GLIS1: variants seen among roughly 807,000 people sequenced by gnomAD.
The protein encoded by GLIS1 is GLIS family zinc finger 1.
Under a neutral mutation model 63.8 loss-of-function variants are expected in GLIS1, and 24 were observed. That is an observed-to-expected ratio of 0.38 (90% CI 0.27 to 0.53). GLIS1 has a LOEUF of 0.53. Ranked by LOEUF, GLIS1 falls within the 20% of genes least tolerant of loss-of-function variation. The pLI, the probability that GLIS1 is intolerant of heterozygous loss-of-function variation, is 0.85. For missense variants in GLIS1, 1,036 were observed against 1,074.1 expected (o/e 0.96, Z 0.50); for synonymous variants, 450 against 482.5 (o/e 0.93, Z 0.88).
chr1:53,610,244 C>A (rs144561282), intron 2 of GLIS1, among the ~76,000 whole-genome samples: 1 of 152,116 alleles, frequency 6.6e-6, no homozygotes, highest in Non-Finnish European at 1.5e-5. Context: ...TTTCTCAAAA[C>A]CAGTGCCATA....
intron 4 of GLIS1, among the ~76,000 whole-genome samples, chr1:53,531,942 C>T (rs1644535365): frequency 6.6e-6 from 1 of 152,168 alleles, no homozygotes; most frequent in Non-Finnish European, 1.5e-5. Flanking sequence ...ACACTGAAGG[C>T]CAAGGAAGGG....
rs764634194 is a variant in GLIS1 at position 53,594,765 on chromosome 1, G to C, written c.663C>G (p.Ser221Arg). 2.6e-5 allele frequency: 41 copies of C among 1,597,178 alleles called. No individual in the cohort carries two copies. Among genetic ancestry groups the C allele is most frequent in the Non-Finnish European group, 3.3e-5 (39 of 1,172,342 alleles). The change falls in exon 4 of 11, where the codon AGC (serine) becomes AGG (arginine). Residue 221 changes from serine to arginine, a missense_variant. Ser to Arg is a moderately radical substitution (Grantham distance 110, BLOSUM62 -1). This residue lies in a region of GLIS1 where 592 missense variants were observed against 593.9 expected (regional missense o/e 1.00). Coordinates refer to ENST00000628545, the MANE Select transcript of GLIS1 (RefSeq NM_001367484.1). ...PSCYLLGSEP[S>R]SGLGLQPETH... is the part of the protein sequence containing the mutation. ...TCTCGGGCTGGAGGCCCAGGCCAGAGCTGGGTTCGCTGCCCAGAAGGTAGC... is the reference window on the plus strand; with the variant it reads ...TCTCGGGCTGGAGGCCCAGGCCAGACCTGGGTTCGCTGCCCAGAAGGTAGC...
At chr1:53,586,178 CT>C (rs1337016369) in intron 4 of GLIS1, among the ~76,000 whole-genome samples, 2 of 152,202 alleles carry the variant, frequency 1.3e-5, no homozygotes, top group African/African-American at 4.8e-5. Flanking sequence ...CCCAAGCCCC[CT>C]GGGTTTGCTT....
At chr1:53,608,798 C>T (rs1004333968) in intron 2 of GLIS1, among the ~76,000 whole-genome samples, 6 of 152,198 alleles carry the variant, frequency 3.9e-5, no homozygotes, top group African/African-American at 1.4e-4. Flanking sequence ...GTTCCCATCT[C>T]TCCAGATATA....
chr1:53,529,134 C>T (rs1473251247), intron 5 of GLIS1, among the ~76,000 whole-genome samples: 2 of 152,214 alleles, frequency 1.3e-5, no homozygotes, highest in South Asian at 2.1e-4. Context: ...GCTCTATTAA[C>T]GGCACATGGA....
intron 2 of GLIS1, among the ~76,000 whole-genome samples, chr1:53,728,169 T>A (rs1382688763): frequency 6.6e-6 from 1 of 152,064 alleles, no homozygotes; most frequent in Non-Finnish European, 1.5e-5. Context: ...TGAGCAGGGC[T>A]ATGGCAAAAG....
intron 2 of GLIS1, among the ~76,000 whole-genome samples, chr1:53,701,479 A>G (rs767120141): frequency 6.6e-6 from 1 of 152,190 alleles, no homozygotes; most frequent in Non-Finnish European, 1.5e-5. Flanking sequence ...ACTTACTGAG[A>G]GTGCTCATGG....
At chr1:53,672,390 T>C (rs1186712755) in intron 2 of GLIS1, among the ~76,000 whole-genome samples, 1 of 152,204 alleles carries the variant, frequency 6.6e-6, no homozygotes, top group African/African-American at 2.4e-5. Context: ...ATGGAGTTCC[T>C]CCGGGAATAC....
intron 2 of GLIS1, among the ~76,000 whole-genome samples, chr1:53,719,824 T>C (rs919409016): frequency 3.3e-5 from 5 of 152,192 alleles, no homozygotes; most frequent in Non-Finnish European, 7.3e-5. Context: ...AGCTACCCTA[T>C]GATCCAGCAA....
At chr1:53,667,505 G>A (rs764208535) in intron 2 of GLIS1, among the ~76,000 whole-genome samples, 3 of 152,166 alleles carry the variant, frequency 2.0e-5, no homozygotes, top group Non-Finnish European at 4.4e-5. Flanking sequence ...GCCCTTCCTT[G>A]GTCCTGGTCT....
intron 4 of GLIS1, among the ~76,000 whole-genome samples, chr1:53,578,227 T>C (rs150041386): frequency 6.6e-6 from 1 of 152,236 alleles, no homozygotes; most frequent in African/African-American, 2.4e-5. Context: ...CGGGGTCAAG[T>C]TAATTAACTT....
rs1644617691 is a variant in GLIS1, at chr1:53,539,442, T to A, written c.1321-9490A>T. ...CCCCACACACACACCATACCACACA[T>A]CACAGCACACCCCCAATACATACAC... On this transcript the variant is annotated intron_variant, in intron 4 of 10. Transcript: ENST00000628545. This position sits in a 1 kb window ranked among gnomAD's most constrained non-coding sequence, Gnocchi z 5.0. 6.8e-6 allele frequency among the ~76,000 whole-genome samples: 1 copy of A among 146,880 alleles called. No individual in the cohort carries two copies. Among genetic ancestry groups the A allele is most frequent in the Non-Finnish European group, 1.5e-5 (1 of 66,698 alleles).
intron 7 of GLIS1, among the ~76,000 whole-genome samples, chr1:53,518,261 G>A (rs1644372817): frequency 6.6e-6 from 1 of 152,198 alleles, no homozygotes; most frequent in Non-Finnish European, 1.5e-5. Context: ...AGCACTAGCA[G>A]CAGGGAGGTG....
chr1:53,520,852 G>A, intron 6 of GLIS1, 86 bp from the exon 7 acceptor site: 1 of 1,416,096 alleles, frequency 7.1e-7, no homozygotes, highest in Non-Finnish European at 9.4e-7. Flanking sequence ...GGGCAGAAAG[G>A]ACTGCAGCCC....
chr1:53,694,844 C>T (rs569427323), intron 2 of GLIS1, among the ~76,000 whole-genome samples: 3 of 152,272 alleles, frequency 2.0e-5, no homozygotes, highest in South Asian at 2.1e-4. Context: ...CACAGGACAA[C>T]GGTACTGGTA....
At chr1:53,651,873 C>CAA (rs1218432150) in intron 2 of GLIS1, among the ~76,000 whole-genome samples, 19 of 91,416 alleles carry the variant, frequency 2.1e-4, no homozygotes, top group African/African-American at 4.9e-4. Flanking sequence ...GATCTTGTCT[C>CAA]AAAAAAAAAA....
At chr1:53,656,927 C>A (rs1645972206) in intron 2 of GLIS1, among the ~76,000 whole-genome samples, 1 of 152,236 alleles carries the variant, frequency 6.6e-6, no homozygotes, top group South Asian at 2.1e-4. Flanking sequence ...TGGGTCTAAG[C>A]TAGACCAGAG....
At chr1:53,520,873 C>A (rs921634283) in intron 6 of GLIS1, 107 bp from the exon 7 acceptor site, 3 of 1,250,716 alleles carry the variant, frequency 2.4e-6, no homozygotes, top group African/African-American at 1.5e-5. Flanking sequence ...CAGGGCAAGA[C>A]CCTTCCCTTC....
At chr1:53,619,230 CT>C (rs1334191246) in intron 2 of GLIS1, among the ~76,000 whole-genome samples, 6 of 152,240 alleles carry the variant, frequency 3.9e-5, no homozygotes, top group African/African-American at 1.4e-4. Context: ...CCACCCTGAG[CT>C]GGGCACTGGG....
Sources: gnomAD v4.1 joint callset for allele counts (sites outside exome capture counted in the v4.1 genomes callset) on GRCh38, gnomAD v4.1.1 for gene constraint, gnomAD v4.1.1 regional missense constraint, Gnocchi (gnomAD v3.1) non-coding constraint, MANE v1.5 for transcripts, NCBI Gene and HGNC (gene_info 2026-07-23, HGNC 2026-07-21) for gene names.